Variants in ELAPOR2 observed in about 807,000 individuals in gnomAD.
The protein encoded by ELAPOR2 is endosome/lysosome-associated apoptosis and autophagy regulator family member 2.
ELAPOR2 carries 89 observed loss-of-function variants against 120.7 expected under a neutral mutation model. That is an observed-to-expected ratio of 0.74 (90% confidence interval 0.62 to 0.88). The LOEUF is 0.88. ELAPOR2 is among the 40% of genes least tolerant of loss of function. The pLI is 0.00. For missense variants in ELAPOR2, 1,134 were observed against 1,251.6 expected (o/e 0.91, Z 1.42); for synonymous variants, 444 against 444.9 (o/e 1.00, Z 0.03).
At chr7:86,987,412 C>T (rs1045890386) in intron 1 of ELAPOR2, among the ~76,000 whole-genome samples, 10 of 152,118 alleles carry the variant, frequency 6.6e-5, no homozygotes, top group Non-Finnish European at 1.3e-4. Flanking sequence ...AACAGGCACC[C>T]TACAGACTGG....
chr7:86,894,189 T>A (rs1001002746), intron 19 of ELAPOR2, among the ~76,000 whole-genome samples: 15 of 152,236 alleles, frequency 9.9e-5, no homozygotes, highest in Admixed American at 7.9e-4. Context: ...TTCAGCATGT[T>A]TTTTAGAAAG....
chr7:86,883,128 C>T (rs984424615), intron 21 of ELAPOR2, among the ~76,000 whole-genome samples: 4 of 151,216 alleles, frequency 2.6e-5, no homozygotes, highest in South Asian at 4.2e-4. Flanking sequence ...TCTAATTTGA[C>T]GTAACACCCA....
intron 2 of ELAPOR2, among the ~76,000 whole-genome samples, chr7:86,949,771 G>A (rs1791164867): frequency 6.6e-6 from 1 of 152,198 alleles, no homozygotes; most frequent in African/African-American, 2.4e-5. Context: ...CCAGACTTTG[G>A]CCACCAACAA....
At chr7:86,911,902 G>A (rs1789330504) in intron 15 of ELAPOR2, 170 bp downstream of exon 15, 3 of 681,996 alleles carry the variant, frequency 4.4e-6, no homozygotes, top group Admixed American at 2.8e-5. Flanking sequence ...GCCCCTGGTG[G>A]AGAAATCTGC....
chr7:87,052,552 A>G (rs979170260), intron 1 of ELAPOR2, among the ~76,000 whole-genome samples: 25 of 152,128 alleles, frequency 1.6e-4, no homozygotes, highest in African/African-American at 6.0e-4. Context: ...CAGGGTTTCC[A>G]TTTTAGTAGG....
chr7:86,914,842 T>C lies in ELAPOR2; in HGVS notation c.1612A>G (p.Thr538Ala). 1 of 1,609,560 alleles carries C rather than the reference T, an allele frequency of 6.2e-7. No homozygotes were observed. The highest frequency in any genetic ancestry group is 8.5e-7 in the Non-Finnish European group (1 of 1,178,242). ...YFMVDINRKS[T>A]NVVESWGGTK... ...CCACCCCACGATTCTACCACATTTG[T>C]ACTTTTTCTATTAATATCCTGAAAT... Residue 538 changes from threonine to alanine, a missense_variant, in exon 13 of 22, where the codon ACA becomes GCA. Transcript: ENST00000450689.
intron 18 of ELAPOR2, among the ~76,000 whole-genome samples, chr7:86,905,030 AATGG>A (rs1297246655): frequency 2.6e-5 from 4 of 151,186 alleles, no homozygotes; most frequent in African/African-American, 9.7e-5. Context: ...TGAATGAATG[AATGG>A]ATGAATGAAT....
intron 1 of ELAPOR2, among the ~76,000 whole-genome samples, chr7:87,021,005 A>G (rs76778046): frequency 0.036 from 5,424 of 152,208 alleles, 338 homozygotes; most frequent in African/African-American, 0.12. Flanking sequence ...TATGTATTAA[A>G]TATGTTTAAT....
At chr7:87,053,320 T>G (rs77249805) in intron 1 of ELAPOR2, among the ~76,000 whole-genome samples, 2,244 of 152,324 alleles carry the variant, frequency 0.015, 54 homozygotes, top group African/African-American at 0.05. Context: ...AAGATAGTAC[T>G]GTTTGCTAAT....
intron 21 of ELAPOR2, among the ~76,000 whole-genome samples, chr7:86,881,355 C>T (rs938774249): frequency 6.6e-6 from 1 of 150,436 alleles, no homozygotes; most frequent in Non-Finnish European, 1.5e-5. Flanking sequence ...AGCAAGCACG[C>T]CCTTTTTTTT....
intron 1 of ELAPOR2, among the ~76,000 whole-genome samples, chr7:86,980,367 A>G (rs1387663748): frequency 6.6e-6 from 1 of 152,196 alleles, no homozygotes; most frequent in Non-Finnish European, 1.5e-5. Context: ...CAATTTACTT[A>G]CTAACATACA....
intron 1 of ELAPOR2, among the ~76,000 whole-genome samples, chr7:87,028,457 T>C (rs1794320763): frequency 1.3e-5 from 2 of 152,182 alleles, no homozygotes; most frequent in African/African-American, 4.8e-5. Context: ...CCTTGACTAC[T>C]TCTTTTTAGC....
At chr7:87,003,762 T>C (rs1203845301) in intron 1 of ELAPOR2, among the ~76,000 whole-genome samples, 1 of 152,046 alleles carries the variant, frequency 6.6e-6, no homozygotes, top group Non-Finnish European at 1.5e-5. Flanking sequence ...AGCACAAGAG[T>C]GCCTGAAAGC....
At chr7:87,039,170 G>A (rs541434175) in intron 1 of ELAPOR2, among the ~76,000 whole-genome samples, 1 of 152,040 alleles carries the variant, frequency 6.6e-6, no homozygotes, top group South Asian at 2.1e-4. Context: ...TAAAAGAAGT[G>A]GACTAATTCC....
rs187511351 is a variant in ELAPOR2, at chr7:86,883,638, A to T, written c.3031-3108T>A. Among the ~76,000 whole-genome samples the T allele has an allele frequency of 2.2e-4, 33 of 152,314 alleles. No homozygotes were observed. In the East Asian group the frequency reaches 5.2e-3, roughly 24 times the overall value. ...TTTCTGAGTAAAGTAAAATGTACAC[A>T]AAATACTACAGATACTGTGTGATTA... On this transcript the variant is annotated intron_variant, in intron 21 of 21. Transcript: ENST00000450689.
At position 86,926,908 on chromosome 7, in the gene ELAPOR2, T is replaced by G; in HGVS notation, c.1098A>C (p.Ile366=). ...TTTTGGGCTCTATCCACTTGTACAT[T>G]ATCTGTGTCTACAAAAAAAAAAAAA... is the stretch of plus-strand genomic sequence containing the variant. ...TPCDEEGKTQ[I]MYKWIEPKIC... Residue 366 remains isoleucine, a synonymous_variant, in exon 9 of 22, where the codon ATA becomes ATC. Coordinates refer to ENST00000450689, the MANE Select transcript of ELAPOR2 (RefSeq NM_001142749.3). 1 of 1,357,492 alleles carries G rather than the reference T, an allele frequency of 7.4e-7. No homozygotes were observed. The highest frequency in any genetic ancestry group is 2.0e-4 in the Middle Eastern group (1 of 5,020). The allele number at this position is 1,357,492 out of a possible 1,614,324, so 84.1% of individuals were successfully genotyped here.
intron 1 of ELAPOR2, among the ~76,000 whole-genome samples, chr7:86,972,110 A>G (rs1488965346): frequency 6.6e-6 from 1 of 152,150 alleles, no homozygotes; most frequent in East Asian, 1.9e-4. Flanking sequence ...CAGTGCCAAG[A>G]TAAACCATGG....
intron 4 of ELAPOR2, among the ~76,000 whole-genome samples, chr7:86,943,474 C>A (rs1790883409): frequency 6.6e-6 from 1 of 151,888 alleles, no homozygotes; most frequent in Non-Finnish European, 1.5e-5. Context: ...AAGTTTTGAC[C>A]TTCTGAGTCA....
chr7:86,936,129 T>C (rs1174162437), intron 8 of ELAPOR2, among the ~76,000 whole-genome samples: 2 of 151,870 alleles, frequency 1.3e-5, no homozygotes, highest in Admixed American at 6.6e-5. Context: ...AACCAAAACA[T>C]AGTCATTGAA....
Sources: allele counts gnomAD v4.1 joint callset (sites outside exome capture counted in the v4.1 genomes callset), GRCh38; gene constraint gnomAD v4.1.1; transcripts MANE v1.5; gene names NCBI Gene and HGNC (gene_info 2026-07-23, HGNC 2026-07-21).